Variants in DPP8 observed in about 807,000 individuals in gnomAD.
The protein encoded by DPP8 is dipeptidyl peptidase 8.
A neutral mutation model predicts 107.5 loss-of-function variants in DPP8; 31 were observed. The ratio of observed to expected loss-of-function variants is 0.29; its 90% CI spans 0.22 to 0.39. The LOEUF (loss-of-function observed/expected upper bound fraction) is 0.39, where lower values mean the gene tolerates loss of function less well. Ranked by LOEUF, DPP8 falls within the 10% of genes least tolerant of loss-of-function variation. The probability of loss-of-function intolerance (pLI) is 1.00; values close to 1 mark genes in which losing one functional copy is unlikely to be tolerated. For missense variants in DPP8, 842 were observed against 1,076.1 expected, an observed-to-expected ratio of 0.78 and a Z score of 3.04; for synonymous variants, 381 against 356.6, an observed-to-expected ratio of 1.07 and a Z score of -0.77.
At chr15:65,512,664 C>T (rs2070945800) in intron 1 of DPP8, 100 bp from the exon 2 acceptor site, 6 of 1,345,592 alleles carry the variant, frequency 4.5e-6, no homozygotes, top group African/African-American at 1.5e-5. Context: ...GTGGGGAGGG[C>T]AAGAAAAAAA....
intron 5 of DPP8, among the ~76,000 whole-genome samples, chr15:65,497,001 C>T (rs1383067651): frequency 2.0e-4 from 30 of 152,106 alleles, no homozygotes; most frequent in Admixed American, 1.8e-3. Flanking sequence ...GCAATTCTCC[C>T]GCCTCAACCT....
At chr15:65,501,197 G>C (rs1244330789) in intron 3 of DPP8, among the ~76,000 whole-genome samples, 2 of 151,360 alleles carry the variant, frequency 1.3e-5, no homozygotes, top group Non-Finnish European at 2.9e-5. Context: ...TTTTTTTTCA[G>C]CCTTCTAATT....
intron 14 of DPP8, 104 bp downstream of exon 14, chr15:65,466,572 TGA>T: frequency 1.0e-6 from 1 of 1,004,916 alleles, no homozygotes; most frequent in Non-Finnish European, 1.5e-6. Flanking sequence ...CAGGCAGTGG[TGA>T]GAGATGGAAA....
At chr15:65,471,756 G>A (rs985815012) in intron 12 of DPP8, among the ~76,000 whole-genome samples, 7 of 152,058 alleles carry the variant, frequency 4.6e-5, no homozygotes, top group African/African-American at 1.7e-4. Context: ...CCAAAGTGTT[G>A]GGACTACAAG....
In DPP8 at chr15:65,451,094, G is replaced by C; in HGVS notation, c.2431C>G (p.Leu811Val). The C allele has an allele frequency of 6.2e-7, 1 of 1,610,204 alleles. No individual in the cohort carries two copies. The highest frequency in any genetic ancestry group is 8.5e-7 in the Non-Finnish European group (1 of 1,177,104). Residue 811 changes from leucine (L) to valine (V), a missense_variant, in exon 19 of 20, where the codon CTC becomes GTC. Coordinates refer to ENST00000300141, the MANE Select transcript of DPP8 (RefSeq NM_130434.5). ...KFPSEPNRLL[L>V]LHGFLDENVH... ...TTCTCATCCAGGAAACCATGTAAGA[G>C]CAGTAAACGATTTGGTCTGGAGAAA...
chr15:65,452,445 G>A (rs2064054623), intron 17 of DPP8, among the ~76,000 whole-genome samples: 3 of 151,912 alleles, frequency 2.0e-5, no homozygotes, highest in Admixed American at 6.6e-5. Flanking sequence ...TGTAAAAAAG[G>A]AGCCACCTTT....
chr15:65,490,105 G>T, intron 6 of DPP8, 84 bp downstream of exon 6: 3 of 619,274 alleles, frequency 4.8e-6, no homozygotes, highest in South Asian at 1.6e-5. Flanking sequence ...TATTATCCAA[G>T]ATTTAGAACT....
intron 6 of DPP8, among the ~76,000 whole-genome samples, chr15:65,488,843 C>T (rs1244822336): frequency 6.6e-6 from 1 of 152,128 alleles, no homozygotes; most frequent in African/African-American, 2.4e-5. Flanking sequence ...GAATTTGCCA[C>T]AAGAAGGGGA....
Position 65,511,639 on chromosome 15 carries a change from CA to C in DPP8, c.259+655del, listed in dbSNP as rs373452327. ...TGGGTGACAGAGTGAGACCCTGTCT[CA>C]AAAAAAAAAAAAAAAAAACTATAAT... On this transcript the variant is annotated intron_variant, in intron 2 of 19. Transcript: ENST00000300141. Among the ~76,000 whole-genome samples the C allele has an allele frequency of 1.5e-3, 170 of 110,342 alleles. 1 individual carries two copies. The highest frequency in any genetic ancestry group is 5.6e-3 in the African/African-American group (155 of 27,854). 72.4% of individuals were successfully genotyped at this position (110,342 alleles called of 152,430 possible).
chr15:65,462,990 T>C (rs964756941), intron 15 of DPP8, among the ~76,000 whole-genome samples: 5 of 152,222 alleles, frequency 3.3e-5, no homozygotes, highest in South Asian at 2.1e-4. Context: ...AATAGTAGTA[T>C]AGCAGTTGCC....
chr15:65,451,068 A>T lies in DPP8; in HGVS notation c.2457T>A (p.Asn819Lys). ...ATATACTGGTATGTGCAAAATGGAC[A>T]TTCTCATCCAGGAAACCATGTAAGA... ...LLLLHGFLDENVHFAHTSILL... is the reference protein window; with the variant it reads ...LLLLHGFLDEKVHFAHTSILL... The change falls in exon 19 of 20, where the codon AAT (asparagine) becomes AAA (lysine). Residue 819 changes from asparagine to lysine, a missense_variant. This residue lies in a region of DPP8 where 179 missense variants were observed against 318.0 expected (regional missense o/e 0.56). Coordinates refer to ENST00000300141, the MANE Select transcript of DPP8 (RefSeq NM_130434.5). The T allele has an allele frequency of 1.9e-6, 3 of 1,613,354 alleles. No individual in the cohort carries two copies. The South Asian group carries it at 3.3e-5, about 18-fold the overall frequency.
chr15:65,463,959 A>G (rs2065125009), intron 14 of DPP8, 53 bp from the exon 15 acceptor site: 1 of 1,342,342 alleles, frequency 7.4e-7, no homozygotes, highest in South Asian at 1.6e-5. Flanking sequence ...TGGGAGTGCT[A>G]CAATCTGGGA....
intron 1 of DPP8, 65 bp downstream of exon 1, chr15:65,517,421 G>A (rs1411789306): frequency 6.6e-6 from 1 of 152,632 alleles, no homozygotes; most frequent in African/African-American, 2.4e-5. Context: ...AGGCGGAAAG[G>A]GCCTGGTGAG....
rs767781396 is a variant in DPP8 at position 65,487,677 on chromosome 15, T to C, written c.955+13A>G. 2 of 1,600,184 alleles carry C rather than the reference T, an allele frequency of 1.2e-6. No individual in the cohort carries two copies. The highest frequency in any genetic ancestry group is 1.7e-6 in the Non-Finnish European group (2 of 1,175,098). On this transcript the variant is annotated intron_variant, in intron 7 of 19. Coordinates refer to ENST00000300141, the MANE Select transcript of DPP8 (RefSeq NM_130434.5). ...GGAAATGAGTGAATATAAATGCCAA[T>C]GGAGTACAGTACCTGTTTTAGGATA...
At position 65,485,115 on chromosome 15, in the gene DPP8, ATCAT is replaced by A; in HGVS notation, c.997_1000del (p.Met333LeufsTer8). The A allele has an allele frequency of 6.2e-7, 1 of 1,610,306 alleles. No homozygotes were observed. The highest frequency in any genetic ancestry group is 8.5e-7 in the Non-Finnish European group (1 of 1,176,500). On this transcript the variant is annotated frameshift_variant, in exon 8 of 20. Coordinates refer to ENST00000300141, the MANE Select transcript of DPP8 (RefSeq NM_130434.5). LOFTEE classifies it high-confidence loss of function. The stretch of plus-strand genomic sequence containing the variant: ...TATACTTACCCTTCCTTCAGCATCA[ATCAT>A]TATTTCTGACATCTTAAAAGTGACT...
At chr15:65,500,287 G>A (rs564845966) in intron 4 of DPP8, among the ~76,000 whole-genome samples, 111 of 152,086 alleles carry the variant, frequency 7.3e-4, no homozygotes, top group Middle Eastern at 3.4e-3. Context: ...GGGTGGTGGC[G>A]CATGCCTGTA....
chr15:65,517,219 G>C (rs1441725061), intron 1 of DPP8: 1 of 152,272 alleles, frequency 6.6e-6, no homozygotes, highest in Non-Finnish European at 1.5e-5. Context: ...GAAGCCAGGA[G>C]GCCAGCGCCC....
chr15:65,468,137 G>A (rs561336075), intron 12 of DPP8, among the ~76,000 whole-genome samples: 53 of 152,212 alleles, frequency 3.5e-4, no homozygotes, highest in African/African-American at 1.2e-3. Flanking sequence ...ATTACAGCAC[G>A]ATTTCAAATA....
rs377019921 is a variant in DPP8, at chr15:65,467,060, A to G, written c.1689+11T>C. On this transcript the variant is annotated intron_variant, in intron 13 of 19. Transcript: ENST00000300141. ...ATATGACACAAAACCCTTTTTAAACAAACTTAATACCTGACTGATGCAGCA... is the reference window on the plus strand; with the variant it reads ...ATATGACACAAAACCCTTTTTAAACGAACTTAATACCTGACTGATGCAGCA... 1.4e-5 allele frequency: 22 copies of G among 1,613,322 alleles called. No individual in the cohort carries two copies. The African/African-American group carries it at 2.3e-4, about 17-fold the overall frequency.
Sources: gnomAD v4.1 joint callset for allele counts (sites outside exome capture counted in the v4.1 genomes callset) on GRCh38, gnomAD v4.1.1 for gene constraint, gnomAD v4.1.1 regional missense constraint, MANE v1.5 for transcripts, NCBI Gene and HGNC (gene_info 2026-07-23, HGNC 2026-07-21) for gene names.